The following SRCIN1 variants were observed in gnomAD, a reference collection of about 807,000 sequenced individuals.
SRCIN1 encodes P130Cas-associated protein.
Under a neutral mutation model 116.2 loss-of-function variants are expected in SRCIN1, and 50 were observed. The ratio of observed to expected loss-of-function variants is 0.43; its 90% CI spans 0.34 to 0.54. The LOEUF (loss-of-function observed/expected upper bound fraction) is 0.54. Among genes scored for constraint, SRCIN1 ranks in the 20% least tolerant of loss-of-function variants. The pLI, the probability that SRCIN1 is intolerant of heterozygous loss-of-function variation, is 0.02. For synonymous variants in SRCIN1, 736 were observed against 750.0 expected (o/e 0.98, Z 0.30); for missense variants, 1,446 against 1,672.0 (o/e 0.86, Z 2.36).
At chr17:38,601,927 G>A (rs532638022) in intron 1 of SRCIN1, among the ~76,000 whole-genome samples, 2 of 152,198 alleles carry the variant, frequency 1.3e-5, no homozygotes, top group East Asian at 1.9e-4. Context: ...GGGTTAGAGA[G>A]AGAGACAGCA....
chr17:38,599,816 G>C (rs1908924933), intron 1 of SRCIN1, among the ~76,000 whole-genome samples: 1 of 152,172 alleles, frequency 6.6e-6, no homozygotes, highest in Admixed American at 6.5e-5. Flanking sequence ...TGGGATGAGG[G>C]AACAGCAGCC....
intron 2 of SRCIN1, among the ~76,000 whole-genome samples, chr17:38,573,134 C>T (rs968076466): frequency 4.6e-5 from 7 of 152,220 alleles, no homozygotes; most frequent in Non-Finnish European, 8.8e-5. Flanking sequence ...CCAGGATCCT[C>T]TTCACTGCCC....
In SRCIN1 at chr17:38,549,241, G is replaced by A. The variant is rs573952724; in HGVS notation, c.2963-31C>T. ...GGCACCAAGGGGCTGGGGGTCAGCAGGCCTGCAACCTTGGAGTCAGTGCAC... is the reference window on the plus strand; with the variant it reads ...GGCACCAAGGGGCTGGGGGTCAGCAAGCCTGCAACCTTGGAGTCAGTGCAC... On this transcript the variant is annotated intron_variant, in intron 15 of 18. Transcript: ENST00000617146. The A allele has an allele frequency of 3.7e-5, 55 of 1,494,274 alleles. No individual in the cohort carries two copies. The African/African-American group carries it at 7.6e-4, about 21-fold the overall frequency. 92.6% of individuals were successfully genotyped at this position (1,494,274 alleles called of 1,614,324 possible).
At chr17:38,553,119 A>C (rs62075675) in intron 11 of SRCIN1, among the ~76,000 whole-genome samples, 1,954 of 152,168 alleles carry the variant, frequency 0.013, 23 homozygotes, top group Non-Finnish European at 0.018. Flanking sequence ...AGCTGGATGT[A>C]GTGGCAGGTG....
chr17:38,560,326 G>T lies in SRCIN1; in HGVS notation c.1793+7C>A. ...CCCTGGCAGTGGTGTTGGGAGAGGG[G>T]CCTCACCTGGGGGTCTCAGGCTCAG... On this transcript the variant is annotated splice_region_variant and intron_variant, in intron 8 of 18. Transcript: ENST00000617146. 1 of 1,604,676 alleles carries T rather than the reference G, an allele frequency of 6.2e-7. No homozygotes were observed. Among genetic ancestry groups the T allele is most frequent in the Admixed American group, 1.7e-5 (1 of 58,772 alleles).
chr17:38,595,423 T>G (rs370270233), intron 1 of SRCIN1, among the ~76,000 whole-genome samples: 1 of 152,140 alleles, frequency 6.6e-6, no homozygotes, highest in East Asian at 1.9e-4. Flanking sequence ...TCACCACGTT[T>G]GCCAGGCTGG....
At chr17:38,550,682 A>G (rs1905334761) in intron 15 of SRCIN1, among the ~76,000 whole-genome samples, 1 of 152,222 alleles carries the variant, frequency 6.6e-6, no homozygotes. Context: ...CCTAGCACAC[A>G]GTAGGTACTT....
chr17:38,574,093 T>C (rs903691125), intron 2 of SRCIN1, among the ~76,000 whole-genome samples: 5 of 152,192 alleles, frequency 3.3e-5, no homozygotes, highest in Non-Finnish European at 5.9e-5. Context: ...GAGCACCCTG[T>C]TCCCACTGGA....
intron 1 of SRCIN1, 93 bp downstream of exon 1, chr17:38,605,590 GC>G: frequency 1.5e-5 from 16 of 1,038,160 alleles, no homozygotes; most frequent in East Asian, 9.3e-5. Flanking sequence ...CGCCGCCCCC[GC>G]CCCCGGCCGA....
intron 18 of SRCIN1, among the ~76,000 whole-genome samples, chr17:38,537,495 AAAT>A (rs1027078228): frequency 1.3e-5 from 2 of 151,664 alleles, no homozygotes; most frequent in East Asian, 3.9e-4. Context: ...CCTATCTCAA[AAAT>A]AATAATAATA....
intron 18 of SRCIN1, among the ~76,000 whole-genome samples, chr17:38,533,701 G>C (rs959216959): frequency 4.3e-5 from 6 of 139,628 alleles, no homozygotes; most frequent in African/African-American, 1.6e-4. Context: ...GAGAGAAGCA[G>C]AGCGACCAGA....
At chr17:38,601,305 G>A (rs2143465906) in intron 1 of SRCIN1, among the ~76,000 whole-genome samples, 1 of 152,292 alleles carries the variant, frequency 6.6e-6, no homozygotes, top group South Asian at 2.1e-4. Context: ...TTGCAAAGGG[G>A]CCCCAGGGCG....
intron 2 of SRCIN1, among the ~76,000 whole-genome samples, chr17:38,575,913 T>C (rs1399296637): frequency 6.6e-6 from 1 of 152,212 alleles, no homozygotes; most frequent in African/African-American, 2.4e-5. Context: ...GCTGGCACCG[T>C]GCTTAAGCAC....
At chr17:38,533,566 G>A in intron 18 of SRCIN1, 135 bp from the exon 19 acceptor site, 2 of 369,756 alleles carry the variant, frequency 5.4e-6, no homozygotes, top group Non-Finnish European at 8.4e-6. Context: ...AGCCAGAGGG[G>A]CATCTGGAGA....
upstream of SRCIN1, among the ~76,000 whole-genome samples, chr17:38,606,108 C>T (rs1460718972): frequency 1.3e-5 from 2 of 150,672 alleles, no homozygotes; most frequent in Non-Finnish European, 3.0e-5. The surrounding 1 kb of genome is among the most constrained non-coding windows in gnomAD (Gnocchi z 5.2). Context: ...CCAGCTTCAC[C>T]GCGTGATCCC....
In SRCIN1 at chr17:38,538,789, GCA is replaced by G. The variant is rs371441936; in HGVS notation, c.3417+5032_3417+5033del. On this transcript the variant is annotated intron_variant, in intron 18 of 18. Coordinates refer to ENST00000617146, the MANE Select transcript of SRCIN1 (RefSeq NM_025248.3). Reference sequence around the variant, plus strand: ...CTCCCTGGCAGGGCAACAGAATCCAGCACTAAGACAGCAGAATTTGTAGCAGG... The same window carrying G: ...CTCCCTGGCAGGGCAACAGAATCCAGCTAAGACAGCAGAATTTGTAGCAGG... 4.4e-3 allele frequency among the ~76,000 whole-genome samples: 669 copies of G among 152,282 alleles called. 4 individuals carry two copies. The highest frequency in any genetic ancestry group is 0.016 in the African/African-American group (656 of 41,558).
chr17:38,563,526 G>A lies in SRCIN1; in HGVS notation c.542-5C>T, dbSNP rs1906436247. On this transcript the variant is annotated splice_polypyrimidine_tract_variant and splice_region_variant and intron_variant, in intron 4 of 18. Transcript: ENST00000617146. The surrounding 1 kb of genome is among the most constrained non-coding windows in gnomAD (Gnocchi z 5.8). ...CGAACTGCAGGAACAGCACCCCTGCGAAGGAGACGCCGCCCTCGCTGTCAC... is the reference window on the plus strand; with the variant it reads ...CGAACTGCAGGAACAGCACCCCTGCAAAGGAGACGCCGCCCTCGCTGTCAC... The A allele has an allele frequency of 1.9e-6, 3 of 1,547,652 alleles. No homozygotes were observed. The highest frequency in any genetic ancestry group is 4.9e-5 in the East Asian group (2 of 40,936).
intron 1 of SRCIN1, among the ~76,000 whole-genome samples, chr17:38,592,312 G>A (rs1443172494): frequency 6.6e-6 from 1 of 152,036 alleles, no homozygotes; most frequent in Non-Finnish European, 1.5e-5. Context: ...GGCTGTGCTG[G>A]GGTGAGGGGC....
intron 17 of SRCIN1, among the ~76,000 whole-genome samples, chr17:38,545,719 C>T (rs1197551910): frequency 2.6e-5 from 4 of 152,190 alleles, no homozygotes; most frequent in East Asian, 1.9e-4. Context: ...ATTTACTTTA[C>T]ACCACCCATG....
Sources: allele counts gnomAD v4.1 joint callset (sites outside exome capture counted in the v4.1 genomes callset), GRCh38; gene constraint gnomAD v4.1.1; non-coding constraint Gnocchi (gnomAD v3.1); transcripts MANE v1.5; gene names NCBI Gene and HGNC (gene_info 2026-07-23, HGNC 2026-07-21).